ETNK2: variants seen among roughly 807,000 people sequenced by gnomAD.
ETNK2 encodes ethanolamine kinase 2.
A neutral mutation model predicts 46.2 loss-of-function variants in ETNK2; 33 were observed. The observed-to-expected ratio is 0.71, with a 90% confidence interval of 0.54 to 0.96. The LOEUF is 0.96. Ranked by LOEUF, ETNK2 falls within the 40% of genes least tolerant of loss-of-function variation. The pLI is 0.00. For synonymous variants in ETNK2, 194 were observed against 209.0 expected (o/e 0.93, Z 0.62); for missense variants, 445 against 509.7 (o/e 0.87, Z 1.22).
rs368115670 is a variant in ETNK2, at chr1:204,132,160, G to A, written c.*24C>T. ...AGAACAGGTCTGGCCAGACAGATGG[G>A]TAGGGGAGGGATGGGGTGGCTGGTC... is the stretch of plus-strand genomic sequence containing the variant. On this transcript the variant is annotated 3_prime_UTR_variant, in exon 8 of 8. Transcript: ENST00000367202. 143 of 1,550,082 alleles carry A rather than the reference G, an allele frequency of 9.2e-5. 1 individual carries two copies. The African/African-American group carries it at 1.8e-3, about 20-fold the overall frequency.
At chr1:204,135,543 A>T (rs1453127941) in intron 6 of ETNK2, among the ~76,000 whole-genome samples, 4 of 152,176 alleles carry the variant, frequency 2.6e-5, no homozygotes, top group African/African-American at 9.7e-5. Flanking sequence ...TGGCTCTCCC[A>T]TCCCATTCCC....
chr1:204,144,992 T>C (rs529325616), intron 3 of ETNK2, among the ~76,000 whole-genome samples: 8 of 152,352 alleles, frequency 5.3e-5, no homozygotes. Context: ...CAGTGTCACA[T>C]TCATTTTTAA....
rs1014119141 is a variant in ETNK2 at position 204,141,344 on chromosome 1, C to A, written c.755G>T (p.Cys252Phe). 4.3e-6 allele frequency: 7 copies of A among 1,614,034 alleles called. No individual in the cohort carries two copies. Among genetic ancestry groups the A allele is most frequent in the Non-Finnish European group, 5.9e-6 (7 of 1,179,900 alleles). The change falls in exon 4 of 8, where the codon TGC (cysteine) becomes TTC (phenylalanine). Residue 252 changes from cysteine (C) to phenylalanine (F), a missense_variant. Transcript: ENST00000367202. Reference sequence around the variant, plus strand: ...GATGCTGTCATAGATGATATTCTTGCAGAGCAGGTCATTGTGACAAAACAC... The same window carrying A: ...GATGCTGTCATAGATGATATTCTTGAAGAGCAGGTCATTGTGACAAAACAC... ...PVVFCHNDLLCKNIIYDSIKG... is the reference protein window; with the variant it reads ...PVVFCHNDLLFKNIIYDSIKG...
intron 5 of ETNK2, 33 bp from the exon 6 acceptor site, chr1:204,137,282 A>T (rs1657328413): frequency 6.2e-7 from 1 of 1,608,520 alleles, no homozygotes; most frequent in African/African-American, 1.3e-5. Context: ...AAAGTTGCTC[A>T]GAGATGGGCC....
At position 204,140,111 on chromosome 1, in the gene ETNK2, C is replaced by T. The variant is rs771348515; in HGVS notation, c.792G>A (p.Val264=). 2 of 1,613,458 alleles carry T rather than the reference C, an allele frequency of 1.2e-6. No homozygotes were observed. Among genetic ancestry groups the T allele is most frequent in the Admixed American group, 1.7e-5 (1 of 59,990 alleles). ...CAGCATATTCATAGTCAATGAACCG[C>T]ACGTGACCTATGAAGTAGAGGAGAA... ...NIIYDSIKGH[V]RFIDYEYAGY... Residue 264 remains valine, a synonymous_variant, in exon 5 of 8, where the codon GTG becomes GTA. Coordinates refer to ENST00000367202, the MANE Select transcript of ETNK2 (RefSeq NM_018208.4).
Position 204,139,984 on chromosome 1 carries a change from T to C in ETNK2, c.868+51A>G, listed in dbSNP as rs1657436836. Reference sequence around the variant, plus strand: ...ACCACCATCTACATGCGGTCAGTCATTGACTGAAACACCGCTACAAAGCAC... The same window carrying C: ...ACCACCATCTACATGCGGTCAGTCACTGACTGAAACACCGCTACAAAGCAC... On this transcript the variant is annotated intron_variant, in intron 5 of 7. Transcript: ENST00000367202. The C allele has an allele frequency of 4.1e-6, 6 of 1,458,048 alleles. No homozygotes were observed. In the Admixed American group the frequency reaches 1.0e-4, roughly 24 times the overall value. 90.3% of individuals were successfully genotyped at this position (1,458,048 alleles called of 1,614,324 possible). A position where few individuals can be genotyped will look rare whatever the true frequency, so the allele number is the denominator to read the frequency against.
At chr1:204,143,412 T>C (rs1657641057) in intron 3 of ETNK2, among the ~76,000 whole-genome samples, 1 of 109,916 alleles carries the variant, frequency 9.1e-6, no homozygotes, top group Non-Finnish European at 1.7e-5. Flanking sequence ...GTGGGAACAA[T>C]CCCAGCCTTC....
intron 5 of ETNK2, among the ~76,000 whole-genome samples, chr1:204,137,501 AG>A (rs1657336749): frequency 6.6e-6 from 1 of 152,182 alleles, no homozygotes; most frequent in African/African-American, 2.4e-5. Flanking sequence ...AGACTGGTTA[AG>A]GGGCAAGACA....
At position 204,151,323 on chromosome 1, in the gene ETNK2, C is replaced by G; in HGVS notation, c.258+272G>C. On this transcript the variant is annotated intron_variant, in intron 1 of 7. Coordinates refer to ENST00000367202, the MANE Select transcript of ETNK2 (RefSeq NM_018208.4). The surrounding 1 kb of genome is among the most constrained non-coding windows in gnomAD (Gnocchi z 8.0). The stretch of plus-strand genomic sequence containing the variant: ...GCACGCAGCGACAGGGGGTGCGGCC[C>G]GCACACGCAGCATGCCGACAGTGGG... 1.8e-6 allele frequency: 1 copy of G among 554,300 alleles called. No individual in the cohort carries two copies. The highest frequency in any genetic ancestry group is 3.1e-6 in the Non-Finnish European group (1 of 318,168). 34.3% of individuals were successfully genotyped at this position (554,300 alleles called of 1,614,324 possible). A position where few individuals can be genotyped will look rare whatever the true frequency, so the allele number is the denominator to read the frequency against.
intron 3 of ETNK2, among the ~76,000 whole-genome samples, chr1:204,142,452 G>A (rs1180338487): frequency 6.6e-6 from 1 of 152,128 alleles, no homozygotes; most frequent in Non-Finnish European, 1.5e-5. Context: ...CAGAGGCCAT[G>A]TGGAAGTCTG....
At chr1:204,137,061 A>G (rs1034350079) in intron 6 of ETNK2, 43 bp downstream of exon 6, 8 of 1,606,210 alleles carry the variant, frequency 5.0e-6, no homozygotes, top group Non-Finnish European at 6.8e-6. Context: ...CCCTCCTGCT[A>G]ACTCCTCCTT....
At chr1:204,137,726 T>C (rs1657344894) in intron 5 of ETNK2, among the ~76,000 whole-genome samples, 1 of 152,196 alleles carries the variant, frequency 6.6e-6, no homozygotes, top group Non-Finnish European at 1.5e-5. Flanking sequence ...CTGGACTTCA[T>C]GTAGGGATAT....
intron 7 of ETNK2, among the ~76,000 whole-genome samples, chr1:204,133,783 A>G (rs533577284): frequency 5.8e-4 from 89 of 152,238 alleles, no homozygotes; most frequent in Non-Finnish European, 1.9e-4. Context: ...CACCCGCCTC[A>G]GCCTCCCAAA....
intron 4 of ETNK2, chr1:204,140,952 AG>A: frequency 3.0e-6 from 1 of 333,140 alleles, no homozygotes; most frequent in Non-Finnish European, 5.6e-6. Context: ...CCTCCCGAGG[AG>A]CTAGGACTAT....
At chr1:204,148,961 C>A (rs1187249501) in intron 2 of ETNK2, among the ~76,000 whole-genome samples, 2 of 152,134 alleles carry the variant, frequency 1.3e-5, no homozygotes, top group African/African-American at 4.8e-5. Flanking sequence ...TGGGTCATGA[C>A]ATTGGAGGGA....
intron 3 of ETNK2, chr1:204,142,500 TCC>T (rs1657593383): frequency 1.3e-5 from 2 of 152,162 alleles, no homozygotes; most frequent in South Asian, 4.1e-4. Flanking sequence ...TGAACTTTGG[TCC>T]CCAGGAGGCA....
At position 204,137,090 on chromosome 1, in the gene ETNK2, A is replaced by C. The variant is rs2102283582; in HGVS notation, c.1014+14T>G. The C allele has an allele frequency of 6.2e-7, 1 of 1,613,116 alleles. No individual in the cohort carries two copies. Among genetic ancestry groups the C allele is most frequent in the Non-Finnish European group, 8.5e-7 (1 of 1,179,380 alleles). On this transcript the variant is annotated intron_variant, in intron 6 of 7. Transcript: ENST00000367202. Reference sequence around the variant, plus strand: ...CCTCCTTTCCTGCCCCAGCCCTAGAAATAAGGCACTCACCAGGGCAAACTT... The same window carrying C: ...CCTCCTTTCCTGCCCCAGCCCTAGACATAAGGCACTCACCAGGGCAAACTT...
chr1:204,143,913 C>G (rs1657666073), intron 3 of ETNK2, among the ~76,000 whole-genome samples: 1 of 152,164 alleles, frequency 6.6e-6, no homozygotes, highest in Admixed American at 6.5e-5. Context: ...CAGCTTAGGG[C>G]ATGGATCCAA....
chr1:204,143,422 C>G (rs1024659349), intron 3 of ETNK2, among the ~76,000 whole-genome samples: 3 of 146,144 alleles, frequency 2.1e-5, no homozygotes, highest in African/African-American at 7.5e-5. Flanking sequence ...TCCCAGCCTT[C>G]TATCTCCCCG....
Sources: allele counts gnomAD v4.1 joint callset (sites outside exome capture counted in the v4.1 genomes callset), GRCh38; gene constraint gnomAD v4.1.1; non-coding constraint Gnocchi (gnomAD v3.1); transcripts MANE v1.5; gene names NCBI Gene and HGNC (gene_info 2026-07-23, HGNC 2026-07-21).